Variants in TMEM132D observed in about 807,000 individuals in gnomAD.
The protein encoded by TMEM132D is transmembrane protein 132D.
Under a neutral mutation model 62.3 loss-of-function variants are expected in TMEM132D, and 21 were observed. That is an observed-to-expected ratio of 0.34 (90% CI 0.24 to 0.49). The LOEUF (loss-of-function observed/expected upper bound fraction) is 0.49, where lower values mean the gene tolerates loss of function less well. Among genes scored for constraint, TMEM132D ranks in the 20% least tolerant of loss-of-function variants. TMEM132D has a pLI of 0.99. For missense variants in TMEM132D, 1,346 were observed against 1,402.8 expected, an observed-to-expected ratio of 0.96 and a Z score of 0.65; for synonymous variants, 621 against 575.6, an observed-to-expected ratio of 1.08 and a Z score of -1.13.
At chr12:129,538,289 A>T (rs1876462465) in intron 2 of TMEM132D, among the ~76,000 whole-genome samples, 1 of 152,218 alleles carries the variant, frequency 6.6e-6, no homozygotes, top group South Asian at 2.1e-4. Context: ...GTACGTTTCC[A>T]CACCCAGTCT....
chr12:129,613,736 G>GGACTGTCTCCAGAACCAAGGT lies in TMEM132D; in HGVS notation c.969-82552_969-82532dup, dbSNP rs761412872. ...CAGGCAACTGTCTCCAGAACCCAGGGGACTGTCTCCAGAACCAAGGTGACT... is the reference window on the plus strand; with the variant it reads ...CAGGCAACTGTCTCCAGAACCCAGGGGACTGTCTCCAGAACCAAGGTGACTGTCTCCAGAACCAAGGTGACT... On this transcript the variant is annotated intron_variant, in intron 2 of 8. Coordinates refer to ENST00000422113, the MANE Select transcript of TMEM132D (RefSeq NM_133448.3). Among the ~76,000 whole-genome samples the GGACTGTCTCCAGAACCAAGGT allele has an allele frequency of 5.9e-5, 9 of 151,710 alleles. No individual in the cohort carries two copies. In the South Asian group the frequency reaches 8.4e-4, roughly 14 times the overall value.
chr12:129,585,066 C>T (rs1035754286), intron 2 of TMEM132D, among the ~76,000 whole-genome samples: 1 of 152,088 alleles, frequency 6.6e-6, no homozygotes, highest in Non-Finnish European at 1.5e-5. Context: ...GAAATGGATA[C>T]AAATAAAGTC....
At chr12:129,417,300 T>G (rs372559755) in intron 3 of TMEM132D, among the ~76,000 whole-genome samples, 1 of 152,316 alleles carries the variant, frequency 6.6e-6, no homozygotes, top group East Asian at 1.9e-4. Context: ...CTTCAAGCTA[T>G]ACTACAAGGC....
intron 5 of TMEM132D, among the ~76,000 whole-genome samples, chr12:129,153,154 T>C (rs2135536810): frequency 6.6e-6 from 1 of 152,266 alleles, no homozygotes; most frequent in Admixed American, 6.5e-5. Context: ...CTCGAGTCCT[T>C]TGCTGTCGTT....
chr12:129,531,077 G>C lies in TMEM132D; in HGVS notation c.1097C>G (p.Ala366Gly). Reference sequence around the variant, plus strand: ...GACTCACCTGTTTTCTGAGCCAGCTGCTTTCTTCTGACAAACGATGACAGC... The same window carrying C: ...GACTCACCTGTTTTCTGAGCCAGCTCCTTTCTTCTGACAAACGATGACAGC... ...APAVIVCQKK[A>G]AGSENSADGA... The change falls in exon 3 of 9, where the codon GCA (alanine) becomes GGA (glycine). Residue 366 changes from alanine to glycine, a missense_variant. Transcript: ENST00000422113. 1 of 1,613,040 alleles carries C rather than the reference G, an allele frequency of 6.2e-7. No homozygotes were observed. Among genetic ancestry groups the C allele is most frequent in the Non-Finnish European group, 8.5e-7 (1 of 1,179,366 alleles).
chr12:129,270,934 C>T (rs1205537182), intron 4 of TMEM132D, among the ~76,000 whole-genome samples: 1 of 152,198 alleles, frequency 6.6e-6, no homozygotes, highest in African/African-American at 2.4e-5. Context: ...GCAATGGCAT[C>T]TCTGTGTCTT....
chr12:129,611,479 A>C (rs1878773092), intron 2 of TMEM132D, among the ~76,000 whole-genome samples: 1 of 152,098 alleles, frequency 6.6e-6, no homozygotes, highest in African/African-American at 2.4e-5. Flanking sequence ...TTTCCCAGTT[A>C]CTTCCTTACT....
intron 4 of TMEM132D, among the ~76,000 whole-genome samples, chr12:129,319,858 CT>C (rs2135642158): frequency 6.6e-6 from 1 of 152,116 alleles, no homozygotes; most frequent in East Asian, 1.9e-4. Flanking sequence ...TGATACAGAA[CT>C]GAGAGTTATA....
In TMEM132D at chr12:129,104,048, G is replaced by C. The variant is rs1317620060; in HGVS notation, c.1444-19346C>G. 4.0e-5 allele frequency among the ~76,000 whole-genome samples: 6 copies of C among 151,320 alleles called. No individual in the cohort carries two copies. The East Asian group carries it at 5.8e-4, about 15-fold the overall frequency. ...CAGAATTGGAAAAAACTACTTTAAA[G>C]TTCATATGGAACCAAAAAAGAGCCT... On this transcript the variant is annotated intron_variant, in intron 5 of 8. Coordinates refer to ENST00000422113, the MANE Select transcript of TMEM132D (RefSeq NM_133448.3).
intron 3 of TMEM132D, among the ~76,000 whole-genome samples, chr12:129,464,468 G>C (rs1382464348): frequency 6.6e-6 from 1 of 152,244 alleles, no homozygotes; most frequent in Non-Finnish European, 1.5e-5. Flanking sequence ...AGAAGCTCTT[G>C]AGTTTTATTA....
In TMEM132D at chr12:129,532,131, C is replaced by CT. The variant is rs147657426; in HGVS notation, c.969-927dup. Among the ~76,000 whole-genome samples, 775 of 152,086 alleles carry CT rather than the reference C, an allele frequency of 5.1e-3. 36 individuals carry two copies. The South Asian group carries it at 0.093, about 18-fold the overall frequency. On this transcript the variant is annotated intron_variant, in intron 2 of 8. Transcript: ENST00000422113. ...GTTTGATTTTGATTTACAAGCTGGC[C>CT]TAGAAGTTTGAAAAAGCTAATGTTT... is the stretch of plus-strand genomic sequence containing the variant.
chr12:129,700,769 C>T (rs1276794059), intron 1 of TMEM132D, 71 bp from the exon 2 acceptor site: 6 of 1,499,042 alleles, frequency 4.0e-6, no homozygotes, highest in East Asian at 4.5e-5. Context: ...CAGACATCTG[C>T]GTGCCCCCTT....
At position 129,505,006 on chromosome 12, in the gene TMEM132D, C is replaced by T. The variant is rs193027561; in HGVS notation, c.1115+26053G>A. ...TCAAGAACAGGTTACTTAATTCCCA[C>T]ATATTTGCATGGTTTCGAAGGTTTC... On this transcript the variant is annotated intron_variant, in intron 3 of 8. Transcript: ENST00000422113. 2.6e-3 allele frequency among the ~76,000 whole-genome samples: 393 copies of T among 152,300 alleles called. 1 individual carries two copies. Among genetic ancestry groups the T allele is most frequent in the African/African-American group, 9.0e-3 (374 of 41,556 alleles).
intron 3 of TMEM132D, among the ~76,000 whole-genome samples, chr12:129,452,268 G>C (rs1873316440): frequency 6.6e-6 from 1 of 152,218 alleles, no homozygotes; most frequent in Non-Finnish European, 1.5e-5. Flanking sequence ...CCGGAAGAAA[G>C]GCATTTCTCT....
intron 2 of TMEM132D, among the ~76,000 whole-genome samples, chr12:129,567,089 G>A (rs1248873834): frequency 1.3e-5 from 2 of 152,218 alleles, no homozygotes; most frequent in Admixed American, 6.5e-5. Flanking sequence ...CTGGGGCTAT[G>A]TAACAGGTCA....
chr12:129,536,507 C>T (rs879444683), intron 2 of TMEM132D, among the ~76,000 whole-genome samples: 1 of 152,210 alleles, frequency 6.6e-6, no homozygotes, highest in African/African-American at 2.4e-5. Flanking sequence ...TATGGAAACG[C>T]TACTTTCCAC....
At chr12:129,484,919 G>A (rs1874538406) in intron 3 of TMEM132D, among the ~76,000 whole-genome samples, 1 of 152,200 alleles carries the variant, frequency 6.6e-6, no homozygotes, top group Admixed American at 6.5e-5. Context: ...AAGCGGTTGG[G>A]TGGGGCTGCC....
At chr12:129,231,369 G>A (rs566203783) in intron 4 of TMEM132D, among the ~76,000 whole-genome samples, 3 of 152,258 alleles carry the variant, frequency 2.0e-5, no homozygotes, top group Admixed American at 2.0e-4. Flanking sequence ...ATATATCATT[G>A]GTGGGTCCCT....
At chr12:129,499,850 A>G (rs1875074643) in intron 3 of TMEM132D, among the ~76,000 whole-genome samples, 2 of 152,122 alleles carry the variant, frequency 1.3e-5, no homozygotes, top group Admixed American at 6.5e-5. Flanking sequence ...TCCCCCTTCA[A>G]TCAGTTACCT....
Sources: gnomAD v4.1 joint callset for allele counts (sites outside exome capture counted in the v4.1 genomes callset) on GRCh38, gnomAD v4.1.1 for gene constraint, MANE v1.5 for transcripts, NCBI Gene and HGNC (gene_info 2026-07-23, HGNC 2026-07-21) for gene names.